The following SDK1 variants were observed in gnomAD, a reference collection of about 807,000 sequenced individuals.
SDK1 encodes sidekick cell adhesion molecule 1.
In SDK1, 157 loss-of-function variants were observed where a neutral mutation model predicts 245.5. The observed-to-expected ratio is 0.64, with a 90% CI of 0.56 to 0.73. SDK1 has a LOEUF of 0.73. Among genes scored for constraint, SDK1 ranks in the 30% least tolerant of loss-of-function variants. SDK1 has a pLI of 0.00. For synonymous variants in SDK1, 1,647 were observed against 1,278.5 expected, an observed-to-expected ratio of 1.29 and a Z score of -6.15; for missense variants, 3,583 against 3,002.3, an observed-to-expected ratio of 1.19 and a Z score of -4.52.
intron 28 of SDK1, among the ~76,000 whole-genome samples, chr7:4,139,291 G>GT (rs902408515): frequency 1.6e-4 from 24 of 151,610 alleles, no homozygotes; most frequent in Middle Eastern, 3.4e-3. Context: ...GATTTCATGG[G>GT]TTTTTTTTTC....
intron 1 of SDK1, among the ~76,000 whole-genome samples, chr7:3,336,660 C>G (rs1471176796): frequency 6.6e-6 from 1 of 152,096 alleles, no homozygotes; most frequent in Non-Finnish European, 1.5e-5. Flanking sequence ...ACTTCTGCTC[C>G]TGGATGCAGC....
chr7:3,845,619 A>C (rs10951336), intron 5 of SDK1, among the ~76,000 whole-genome samples: 2 of 150,582 alleles, frequency 1.3e-5, no homozygotes, highest in Non-Finnish European at 3.0e-5. Flanking sequence ...CCTAAAAGCC[A>C]CTCTTGGCTC....
chr7:3,490,174 A>T (rs1781826219), intron 1 of SDK1, among the ~76,000 whole-genome samples: 1 of 152,202 alleles, frequency 6.6e-6, no homozygotes, highest in Non-Finnish European at 1.5e-5. Context: ...TAGCTGTTTA[A>T]TGTTGTAACT....
intron 38 of SDK1, among the ~76,000 whole-genome samples, chr7:4,216,345 CG>C (rs1257730224): frequency 1.3e-5 from 2 of 152,188 alleles, no homozygotes; most frequent in Non-Finnish European, 1.5e-5. Flanking sequence ...AGACTGGCCC[CG>C]CCCCACGGCC....
At chr7:3,749,506 A>T (rs1413782044) in intron 4 of SDK1, among the ~76,000 whole-genome samples, 5 of 152,102 alleles carry the variant, frequency 3.3e-5, no homozygotes, top group Non-Finnish European at 7.4e-5. Flanking sequence ...TCACCATGTT[A>T]TCCAGGCTGG....
chr7:4,048,723 C>A (rs968651812), intron 17 of SDK1, among the ~76,000 whole-genome samples: 2 of 152,312 alleles, frequency 1.3e-5, no homozygotes, highest in Admixed American at 6.5e-5. Flanking sequence ...TACAGTTACA[C>A]GAGCATGTCC....
At chr7:3,905,436 T>C (rs1473199746) in intron 5 of SDK1, among the ~76,000 whole-genome samples, 3 of 152,210 alleles carry the variant, frequency 2.0e-5, no homozygotes, top group Non-Finnish European at 4.4e-5. Context: ...CATTTTATTT[T>C]AGGCTTTTTA....
At chr7:3,826,336 C>T (rs558341652) in intron 5 of SDK1, among the ~76,000 whole-genome samples, 43 of 152,298 alleles carry the variant, frequency 2.8e-4, no homozygotes, top group Non-Finnish European at 1.3e-4. Flanking sequence ...TCTCATGGCG[C>T]AATATGCACT....
intron 1 of SDK1, among the ~76,000 whole-genome samples, chr7:3,439,459 T>TC (rs1451368251): frequency 6.6e-6 from 1 of 152,132 alleles, no homozygotes; most frequent in Non-Finnish European, 1.5e-5. Flanking sequence ...TCGGGTTTGG[T>TC]CAACCTTTCC....
rs1239872757 is a variant in SDK1 at position 3,536,088 on chromosome 7, A to G, written c.299-82992A>G. Among the ~76,000 whole-genome samples the G allele has an allele frequency of 4.7e-5, 7 of 148,890 alleles. No homozygotes were observed. The Admixed American group carries it at 4.7e-4, about 10-fold the overall frequency. ...TTTTTTTTTTCTTAGACGGAGTCTCACTCTGTCGCCCAGGCTGGAGTGCAG... is the reference window on the plus strand; with the variant it reads ...TTTTTTTTTTCTTAGACGGAGTCTCGCTCTGTCGCCCAGGCTGGAGTGCAG... On this transcript the variant is annotated intron_variant, in intron 1 of 44. Transcript: ENST00000404826.
At chr7:3,815,655 T>C (rs1755432854) in intron 4 of SDK1, among the ~76,000 whole-genome samples, 1 of 151,666 alleles carries the variant, frequency 6.6e-6, no homozygotes, top group South Asian at 2.1e-4. Context: ...GATTCCCTCT[T>C]TTTCTATTGA....
intron 34 of SDK1, among the ~76,000 whole-genome samples, chr7:4,176,955 A>G (rs75728734): frequency 0.051 from 7,716 of 152,296 alleles, 264 homozygotes; most frequent in Non-Finnish European, 0.069. Context: ...ATCCAACTCA[A>G]GGGCTAGACG....
chr7:3,573,831 G>C (rs1562572806), intron 1 of SDK1, among the ~76,000 whole-genome samples: 1 of 151,776 alleles, frequency 6.6e-6, no homozygotes, highest in African/African-American at 2.4e-5. Context: ...CTGTTCTTCT[G>C]TTTTCCATTT....
At chr7:3,445,126 G>A (rs1028595119) in intron 1 of SDK1, among the ~76,000 whole-genome samples, 1 of 152,022 alleles carries the variant, frequency 6.6e-6, no homozygotes, top group Admixed American at 6.6e-5. Flanking sequence ...TGTTGAAAAG[G>A]CAGATTTATA....
intron 21 of SDK1, 118 bp from the exon 22 acceptor site, chr7:4,079,345 C>A: frequency 8.0e-7 from 1 of 1,244,440 alleles, no homozygotes; most frequent in Non-Finnish European, 1.1e-6. Flanking sequence ...GAGAGCAAAT[C>A]CTTTTTTGGT....
chr7:3,427,215 G>T (rs1049056864), intron 1 of SDK1, among the ~76,000 whole-genome samples: 1 of 152,160 alleles, frequency 6.6e-6, no homozygotes, highest in African/African-American at 2.4e-5. Flanking sequence ...AACTGGTATT[G>T]ATGTAGTATA....
chr7:3,684,314 G>A (rs1226507505), intron 4 of SDK1, among the ~76,000 whole-genome samples: 2 of 152,216 alleles, frequency 1.3e-5, no homozygotes, highest in African/African-American at 2.4e-5. Context: ...GTCCCAAGCT[G>A]CAGCTACAAA....
intron 4 of SDK1, among the ~76,000 whole-genome samples, chr7:3,707,133 G>T (rs1342658579): frequency 1.3e-5 from 2 of 152,120 alleles, no homozygotes; most frequent in African/African-American, 4.8e-5. Context: ...AGTTCCTTGA[G>T]ATATGACATT....
chr7:3,804,648 G>A lies in SDK1; in HGVS notation c.714-16802G>A, dbSNP rs180747612. On this transcript the variant is annotated intron_variant, in intron 4 of 44. Transcript: ENST00000404826. ...CACATTAAACACGTAGGCCTGTTCGGACAAAACCAGTATCTTTACTTTGTT... is the reference window on the plus strand; with the variant it reads ...CACATTAAACACGTAGGCCTGTTCGAACAAAACCAGTATCTTTACTTTGTT... Among the ~76,000 whole-genome samples, 140 of 152,282 alleles carry A rather than the reference G, an allele frequency of 9.2e-4. 1 individual carries two copies. Among genetic ancestry groups the A allele is most frequent in the Admixed American group, 3.7e-3 (57 of 15,302 alleles).
Sources: gnomAD v4.1 joint callset for allele counts (sites outside exome capture counted in the v4.1 genomes callset) on GRCh38, gnomAD v4.1.1 for gene constraint, MANE v1.5 for transcripts, NCBI Gene and HGNC (gene_info 2026-07-23, HGNC 2026-07-21) for gene names.